Variants in DDX10 observed in about 807,000 individuals in gnomAD.
The protein encoded by DDX10 is probable ATP-dependent RNA helicase DDX10.
A neutral mutation model predicts 104.3 loss-of-function variants in DDX10; 74 were observed. The observed-to-expected ratio is 0.71, with a 90% CI of 0.59 to 0.86. DDX10 has a LOEUF of 0.86. Ranked by LOEUF, DDX10 falls within the 40% of genes least tolerant of loss-of-function variation. The pLI is 0.00. For synonymous variants in DDX10, 351 were observed against 353.4 expected, an observed-to-expected ratio of 0.99 and a Z score of 0.08; for missense variants, 952 against 1,040.0, an observed-to-expected ratio of 0.92 and a Z score of 1.16.
At position 108,844,302 on chromosome 11, in the gene DDX10, C is replaced by A. The variant is rs1862682476; in HGVS notation, c.2247+2826C>A. Among the ~76,000 whole-genome samples the A allele has an allele frequency of 3.3e-5, 5 of 152,284 alleles. No individual in the cohort carries two copies. The South Asian group carries it at 1.0e-3, about 32-fold the overall frequency. On this transcript the variant is annotated intron_variant, in intron 15 of 17. Transcript: ENST00000322536. ...AAAGAAATAATTAGAATAGTTTTCT[C>A]TATTCGACTGATATAAATGTTACCT... is the stretch of plus-strand genomic sequence containing the variant.
chr11:108,723,682 A>C (rs2094301701), intron 13 of DDX10, among the ~76,000 whole-genome samples: 1 of 152,098 alleles, frequency 6.6e-6, no homozygotes, highest in Admixed American at 6.6e-5. Context: ...AACAACTTTA[A>C]TCTTATTTAC....
Position 108,720,063 on chromosome 11 carries a change from C to T in DDX10, c.1499+178C>T, listed in dbSNP as rs79670163. 9.6e-3 allele frequency among the ~76,000 whole-genome samples: 1,468 copies of T among 152,290 alleles called. 18 individuals carry two copies. The highest frequency in any genetic ancestry group is 0.033 in the African/African-American group (1,374 of 41,564). On this transcript the variant is annotated intron_variant, in intron 12 of 17. Coordinates refer to ENST00000322536, the MANE Select transcript of DDX10 (RefSeq NM_004398.4). The stretch of plus-strand genomic sequence containing the variant: ...GACTACAGGCGTAAGCCACCACACC[C>T]GGCCAGAGAGAATTTGTTTGAAACC...
chr11:108,668,734 G>A (rs763989838), intron 1 of DDX10, among the ~76,000 whole-genome samples: 10 of 152,086 alleles, frequency 6.6e-5, no homozygotes, highest in African/African-American at 2.2e-4. Context: ...AAAAAAATAC[G>A]TGCCCAAGTC....
At chr11:108,833,230 T>G (rs1469497890) in intron 13 of DDX10, among the ~76,000 whole-genome samples, 1 of 152,214 alleles carries the variant, frequency 6.6e-6, no homozygotes, top group African/African-American at 2.4e-5. Flanking sequence ...TTCCTTGACA[T>G]GCTCTTCTCA....
chr11:108,818,390 G>C (rs12280780), intron 13 of DDX10, among the ~76,000 whole-genome samples: 3,349 of 152,224 alleles, frequency 0.022, 114 homozygotes, highest in African/African-American at 0.076. Context: ...TTGGTAGTTT[G>C]TGGTCTTTTT....
chr11:108,825,735 G>T (rs1862387099), intron 13 of DDX10, among the ~76,000 whole-genome samples: 1 of 152,118 alleles, frequency 6.6e-6, no homozygotes, highest in African/African-American at 2.4e-5. Flanking sequence ...TCACATTATA[G>T]ATTAGGATTA....
In DDX10 at chr11:108,693,536, G is replaced by A. The variant is rs755457943; in HGVS notation, c.1159G>A (p.Val387Ile). ...TGTAGATTTCCCGGCCGTGAATTGG[G>A]TTCTTCAGTTTGATTGTCCTGAGGA... is the stretch of plus-strand genomic sequence containing the variant. ...RGLDFPAVNW[V>I]LQFDCPEDAN... is the part of the protein sequence containing the mutation. The change falls in exon 9 of 18, where the codon GTT becomes ATT. Residue 387 changes from valine to isoleucine, a missense_variant. Val to Ile is a conservative substitution (Grantham distance 29). Transcript: ENST00000322536. The A allele has an allele frequency of 6.2e-7, 1 of 1,614,106 alleles. No homozygotes were observed. Among genetic ancestry groups the A allele is most frequent in the Admixed American group, 1.7e-5 (1 of 60,020 alleles).
intron 16 of DDX10, among the ~76,000 whole-genome samples, chr11:108,869,510 T>C (rs1863052623): frequency 1.3e-5 from 2 of 152,174 alleles, no homozygotes; most frequent in African/African-American, 4.8e-5. Flanking sequence ...TCTGCATTTT[T>C]ATTGATAAGC....
At chr11:108,667,908 T>G (rs2094212064) in intron 1 of DDX10, among the ~76,000 whole-genome samples, 1 of 152,186 alleles carries the variant, frequency 6.6e-6, no homozygotes, top group Admixed American at 6.5e-5. Flanking sequence ...TTCTTTAACT[T>G]TTTTAAAAAA....
intron 9 of DDX10, among the ~76,000 whole-genome samples, chr11:108,698,386 G>A (rs2094262784): frequency 6.6e-6 from 1 of 152,176 alleles, no homozygotes; most frequent in South Asian, 2.1e-4. Context: ...GCTTACATTT[G>A]TGAAGGTCTG....
intron 13 of DDX10, among the ~76,000 whole-genome samples, chr11:108,823,456 A>G (rs922146202): frequency 2.6e-5 from 4 of 152,184 alleles, no homozygotes; most frequent in East Asian, 1.9e-4. Context: ...TGTAACAGTG[A>G]TCTCCTCTTG....
At chr11:108,910,858 G>A (rs143074354) in intron 16 of DDX10, among the ~76,000 whole-genome samples, 8 of 151,778 alleles carry the variant, frequency 5.3e-5, no homozygotes, top group Non-Finnish European at 1.0e-4. Context: ...GAGCAGGCTG[G>A]AAGGGTGGAG....
At chr11:108,806,640 G>A (rs1326922784) in intron 13 of DDX10, among the ~76,000 whole-genome samples, 3 of 152,188 alleles carry the variant, frequency 2.0e-5, no homozygotes, top group Non-Finnish European at 4.4e-5. Flanking sequence ...TAAGAAAACC[G>A]TGGTGGGGAG....
At chr11:108,754,885 A>AT (rs1238990311) in intron 13 of DDX10, among the ~76,000 whole-genome samples, 1 of 152,036 alleles carries the variant, frequency 6.6e-6, no homozygotes, top group African/African-American at 2.4e-5. Context: ...AAAAGGTTGG[A>AT]TTTTCAGACT....
At chr11:108,796,697 A>G (rs558513545) in intron 13 of DDX10, among the ~76,000 whole-genome samples, 5 of 152,144 alleles carry the variant, frequency 3.3e-5, no homozygotes, top group South Asian at 2.1e-4. Context: ...AATGCATGCT[A>G]TTGTTTGAAT....
chr11:108,822,200 G>A (rs2134578398), intron 13 of DDX10: 1 of 192,514 alleles, frequency 5.2e-6, no homozygotes, highest in East Asian at 1.6e-4. Context: ...TTTAAAATCA[G>A]GACTGCCCAA....
chr11:108,666,132 A>G (rs562105280), intron 1 of DDX10, among the ~76,000 whole-genome samples: 53 of 152,304 alleles, frequency 3.5e-4, no homozygotes, highest in African/African-American at 1.2e-3. Context: ...CTTCACCCAC[A>G]TCTTTCAGCT....
chr11:108,937,728 C>T (rs1864054598), intron 17 of DDX10, among the ~76,000 whole-genome samples: 1 of 152,094 alleles, frequency 6.6e-6, no homozygotes, highest in Admixed American at 6.5e-5. Context: ...CTAATAAAGT[C>T]TTTATTATTT....
chr11:108,869,058 G>C (rs1157089076), intron 16 of DDX10, among the ~76,000 whole-genome samples: 1 of 149,908 alleles, frequency 6.7e-6, no homozygotes, highest in Non-Finnish European at 1.5e-5. Flanking sequence ...AGGAAATAAT[G>C]ATAAGGATGG....
Sources: gnomAD v4.1 joint callset for allele counts (sites outside exome capture counted in the v4.1 genomes callset) on GRCh38, gnomAD v4.1.1 for gene constraint, MANE v1.5 for transcripts, NCBI Gene and HGNC (gene_info 2026-07-23, HGNC 2026-07-21) for gene names.